Variants in NECAP2 observed in about 807,000 individuals in gnomAD.
NECAP2 encodes NECAP endocytosis associated 2, also known as adaptin ear-binding coat-associated protein 2.
Under a neutral mutation model 37.8 loss-of-function variants are expected in NECAP2, and 38 were observed. The observed-to-expected ratio is 1.01, with a 90% CI of 0.78 to 1.32. NECAP2 has a LOEUF of 1.32. NECAP2 is among the 40% of genes most tolerant of loss of function. The probability of loss-of-function intolerance (pLI) is 0.00; values close to 1 mark genes in which losing one functional copy is unlikely to be tolerated. For missense variants in NECAP2, 316 were observed against 334.5 expected, an observed-to-expected ratio of 0.94 and a Z score of 0.43; for synonymous variants, 121 against 127.7, an observed-to-expected ratio of 0.95 and a Z score of 0.35.
chr1:16,454,591 A>C (rs1428533013), intron 6 of NECAP2, among the ~76,000 whole-genome samples: 1 of 152,142 alleles, frequency 6.6e-6, no homozygotes, highest in Non-Finnish European at 1.5e-5. Flanking sequence ...TCCTGACCTC[A>C]GGTGATCCAC....
chr1:16,451,819 A>T lies in NECAP2; in HGVS notation c.490-19A>T. On this transcript the variant is annotated intron_variant, in intron 5 of 7. Coordinates refer to ENST00000337132, the MANE Select transcript of NECAP2 (RefSeq NM_018090.5). ...ACTCCAGCAGAACGGGCTGATTTGC[A>T]TTCCTCTTCCCTCTTTAGAACATGA... is the stretch of plus-strand genomic sequence containing the variant. The T allele has an allele frequency of 6.2e-7, 1 of 1,613,938 alleles. No homozygotes were observed. Among genetic ancestry groups the T allele is most frequent in the Non-Finnish European group, 8.5e-7 (1 of 1,179,894 alleles).
intron 4 of NECAP2, chr1:16,448,374 C>T: frequency 8.8e-6 from 5 of 567,178 alleles, no homozygotes; most frequent in African/African-American, 1.9e-5. Flanking sequence ...TGCCACCTGT[C>T]TCCCCTTACC....
In NECAP2 at chr1:16,451,832, C is replaced by G; in HGVS notation, c.490-6C>G. 6.2e-7 allele frequency: 1 copy of G among 1,614,110 alleles called. No homozygotes were observed. ...GGGCTGATTTGCATTCCTCTTCCCT[C>G]TTTAGAACATGAAGAAGAAGGAAGG... On this transcript the variant is annotated splice_polypyrimidine_tract_variant and splice_region_variant and intron_variant, in intron 5 of 7. Coordinates refer to ENST00000337132, the MANE Select transcript of NECAP2 (RefSeq NM_018090.5).
rs76823843 is a variant in NECAP2, at chr1:16,459,619, T to A, written c.*729T>A. ...TCTCTGGCCAGTTGTCTGGTTTCCA[T>A]GTATTCTAGGCCAGGTAGGCAACAC... On this transcript the variant is annotated 3_prime_UTR_variant, in exon 8 of 8. Coordinates refer to ENST00000337132, the MANE Select transcript of NECAP2 (RefSeq NM_018090.5). 6.6e-6 allele frequency: 1 copy of A among 152,294 alleles called. No individual in the cohort carries two copies. The highest frequency in any genetic ancestry group is 2.4e-5 in the African/African-American group (1 of 41,528). The allele number at this position is 152,294 out of a possible 1,614,324, so 9.4% of individuals were successfully genotyped here. A position where few individuals can be genotyped will look rare whatever the true frequency, so the allele number is the denominator to read the frequency against.
chr1:16,450,214 C>CAA (rs1414511782), intron 5 of NECAP2: 1 of 451,872 alleles, frequency 2.2e-6, no homozygotes, highest in East Asian at 7.0e-5. Context: ...AGGAAACTAA[C>CAA]ATTTAATGAG....
At chr1:16,449,278 C>A in intron 5 of NECAP2, 77 bp downstream of exon 5, 3 of 923,794 alleles carry the variant, frequency 3.2e-6, no homozygotes, top group Non-Finnish European at 3.4e-6. Context: ...GCTCTTCTTA[C>A]AGTTCAGCTC....
chr1:16,443,741 A>C lies in NECAP2; in HGVS notation c.193+9A>C, dbSNP rs1410646236. 3 of 1,606,198 alleles carry C rather than the reference A, an allele frequency of 1.9e-6. No individual in the cohort carries two copies. In the South Asian group the frequency reaches 3.3e-5, roughly 18 times the overall value. On this transcript the variant is annotated intron_variant, in intron 2 of 7. Transcript: ENST00000337132. ...GGAGGACAGGACGTCAGGTAACCGG[A>C]AGGGAGGCTGCATCAAGCTGAGGGG... is the stretch of plus-strand genomic sequence containing the variant.
At position 16,458,878 on chromosome 1, in the gene NECAP2, G is replaced by C; in HGVS notation, c.780G>C (p.Trp260Cys). 1 of 1,613,906 alleles carries C rather than the reference G, an allele frequency of 6.2e-7. No individual in the cohort carries two copies. Among genetic ancestry groups the C allele is most frequent in the Middle Eastern group, 1.7e-4 (1 of 6,060 alleles). ...TSSQTQPGTG[W>C]VQF Reference sequence around the variant, plus strand: ...GCCAGACCCAGCCAGGCACAGGCTGGGTCCAGTTCTGACCTGAGCACGGTT... The same window carrying C: ...GCCAGACCCAGCCAGGCACAGGCTGCGTCCAGTTCTGACCTGAGCACGGTT... The change falls in exon 8 of 8, where the codon TGG (tryptophan) becomes TGC (cysteine). Residue 260 changes from tryptophan (W) to cysteine (C), a missense_variant. This residue lies in a region of NECAP2 where 204 missense variants were observed against 188.6 expected (regional missense o/e 1.08). Transcript: ENST00000337132.
At chr1:16,443,825 A>G in intron 2 of NECAP2, 93 bp downstream of exon 2, 1 of 923,120 alleles carries the variant, frequency 1.1e-6, no homozygotes, top group Non-Finnish European at 1.7e-6. Flanking sequence ...CTCAGGGGTC[A>G]TGGGAACCTG....
chr1:16,457,227 A>G (rs114393768), intron 7 of NECAP2, among the ~76,000 whole-genome samples: 7,676 of 152,202 alleles, frequency 0.05, 289 homozygotes, highest in Non-Finnish European at 0.078. Flanking sequence ...ATTCCCAGGC[A>G]GGCGGATCAC....
intron 5 of NECAP2, 84 bp downstream of exon 5, chr1:16,449,285 G>A: frequency 3.4e-6 from 3 of 881,642 alleles, no homozygotes; most frequent in Non-Finnish European, 1.8e-6. Context: ...TTACAGTTCA[G>A]CTCCTTCAGT....
intron 2 of NECAP2, among the ~76,000 whole-genome samples, chr1:16,446,122 C>A (rs1441371623): frequency 2.6e-5 from 4 of 152,166 alleles, no homozygotes; most frequent in African/African-American, 9.7e-5. Flanking sequence ...GCAGGAGAAT[C>A]GCTTGAACCT....
chr1:16,448,282 C>G (rs938075106), intron 4 of NECAP2, 141 bp downstream of exon 4: 2 of 774,338 alleles, frequency 2.6e-6, no homozygotes. Flanking sequence ...CAAGCCACCT[C>G]TCTTCTCTGC....
intron 4 of NECAP2, among the ~76,000 whole-genome samples, chr1:16,448,834 C>T (rs961861009): frequency 2.6e-4 from 40 of 152,168 alleles, no homozygotes; most frequent in Admixed American, 2.6e-3. Context: ...AGTGATCTCG[C>T]TGCATTCGTA....
intron 2 of NECAP2, among the ~76,000 whole-genome samples, chr1:16,445,873 C>T (rs1324776861): frequency 6.6e-6 from 1 of 151,972 alleles, no homozygotes; most frequent in Non-Finnish European, 1.5e-5. Flanking sequence ...CACTGCACTC[C>T]AGCCTGGGTG....
rs750247106 is a variant in NECAP2 at position 16,440,741 on chromosome 1, C to T, written c.-21C>T. The T allele has an allele frequency of 1.2e-6, 2 of 1,609,436 alleles. No individual in the cohort carries two copies. Among genetic ancestry groups the T allele is most frequent in the South Asian group, 2.2e-5 (2 of 90,954 alleles). The stretch of plus-strand genomic sequence containing the variant: ...GGAACGGTGGAAGTCGCCGGAAGTT[C>T]GGTGGGCTCCAGGCGTCGCGATGGA... On this transcript the variant is annotated 5_prime_UTR_variant, in exon 1 of 8. Transcript: ENST00000337132.
chr1:16,457,169 G>T (rs1239856168), intron 7 of NECAP2, among the ~76,000 whole-genome samples: 1 of 152,112 alleles, frequency 6.6e-6, no homozygotes, highest in Non-Finnish European at 1.5e-5. Flanking sequence ...AAAAATAGAG[G>T]CATGGGCTGG....
intron 7 of NECAP2, 55 bp downstream of exon 7, chr1:16,455,948 A>T: frequency 2.2e-6 from 3 of 1,341,122 alleles, no homozygotes. Context: ...TGCTCTACAA[A>T]CCTGGTATTG....
chr1:16,455,976 C>T, intron 7 of NECAP2, 83 bp downstream of exon 7: 2 of 985,154 alleles, frequency 2.0e-6, no homozygotes, highest in Non-Finnish European at 3.2e-6. Context: ...TGCCTGCCTT[C>T]TGGTGTTAGG....
Sources: allele counts gnomAD v4.1 joint callset (sites outside exome capture counted in the v4.1 genomes callset), GRCh38; gene constraint gnomAD v4.1.1; regional missense constraint gnomAD v4.1.1; transcripts MANE v1.5; gene names NCBI Gene and HGNC (gene_info 2026-07-23, HGNC 2026-07-21).